Variants in SAMD12 observed in about 807,000 individuals in gnomAD.
SAMD12 encodes the protein sterile alpha motif domain containing 12.
In SAMD12, 9 loss-of-function variants were observed where a neutral mutation model predicts 15.0. That is an observed-to-expected ratio of 0.60 (90% CI 0.36 to 1.05). SAMD12 has a LOEUF of 1.05. SAMD12 is among the 50% of genes least tolerant of loss of function. The pLI, the probability that SAMD12 is intolerant of heterozygous loss-of-function variation, is 0.01. For missense variants in SAMD12, 230 were observed against 234.2 expected, an observed-to-expected ratio of 0.98 and a Z score of 0.12; for synonymous variants, 86 against 90.1, an observed-to-expected ratio of 0.96 and a Z score of 0.25.
At chr8:118,420,783 C>A (rs1458570298) in intron 3 of SAMD12, among the ~76,000 whole-genome samples, 1 of 152,064 alleles carries the variant, frequency 6.6e-6, no homozygotes, top group Non-Finnish European at 1.5e-5. Flanking sequence ...GAAAAGAATT[C>A]TAAATTTCTT....
At chr8:118,462,946 C>T (rs1823470651) in intron 2 of SAMD12, among the ~76,000 whole-genome samples, 1 of 151,604 alleles carries the variant, frequency 6.6e-6, no homozygotes, top group Non-Finnish European at 1.5e-5. Context: ...ACTAAAAACA[C>T]AAAAATTAGC....
In SAMD12 at chr8:118,229,773, A is replaced by G. The variant is rs116886017; in HGVS notation, c.434-32041T>C. 3.0e-3 allele frequency among the ~76,000 whole-genome samples: 451 copies of G among 152,232 alleles called. 11 individuals are homozygous for G. The South Asian group carries it at 0.049, about 17-fold the overall frequency. ...CCCTTCATTACAGACACTGTCACAT[A>G]GAATTCCCCTATAAGAAGACTTCCC... On this transcript the variant is annotated intron_variant, in intron 4 of 4. Transcript: ENST00000409003.
intron 4 of SAMD12, among the ~76,000 whole-genome samples, chr8:118,248,026 C>G (rs1181308900): frequency 1.3e-5 from 2 of 152,046 alleles, no homozygotes; most frequent in Non-Finnish European, 2.9e-5. Flanking sequence ...ATAAAGAAAA[C>G]AGACACAGAT....
intron 4 of SAMD12, among the ~76,000 whole-genome samples, chr8:118,367,346 T>C (rs1487126298): frequency 6.6e-6 from 1 of 152,232 alleles, no homozygotes; most frequent in African/African-American, 2.4e-5. Flanking sequence ...CTAAATCAAC[T>C]GACTCTCTAA....
chr8:118,534,517 G>A (rs1007821745), intron 2 of SAMD12, among the ~76,000 whole-genome samples: 8 of 152,134 alleles, frequency 5.3e-5, no homozygotes, highest in African/African-American at 1.9e-4. Flanking sequence ...AAGTTCTCCT[G>A]GATAATATCC....
intron 1 of SAMD12, among the ~76,000 whole-genome samples, chr8:118,614,965 C>A (rs538748226): frequency 6.6e-6 from 1 of 152,330 alleles, no homozygotes; most frequent in African/African-American, 2.4e-5. Flanking sequence ...TCCACGCTTG[C>A]TCTTGTGGTT....
chr8:118,338,834 T>G (rs1240106050), intron 4 of SAMD12, among the ~76,000 whole-genome samples: 3 of 152,206 alleles, frequency 2.0e-5, no homozygotes, highest in Non-Finnish European at 4.4e-5. Flanking sequence ...ATGTTTTTGT[T>G]ATTTAACATA....
At chr8:118,333,234 C>T (rs1272770550) in intron 4 of SAMD12, among the ~76,000 whole-genome samples, 1 of 152,202 alleles carries the variant, frequency 6.6e-6, no homozygotes, top group African/African-American at 2.4e-5. Context: ...TAATTTCCAA[C>T]AGTCACCTCC....
intron 2 of SAMD12, among the ~76,000 whole-genome samples, chr8:118,569,267 AAATT>A (rs1186647026): frequency 6.6e-6 from 1 of 152,164 alleles, no homozygotes; most frequent in Non-Finnish European, 1.5e-5. Flanking sequence ...TTCATGCACA[AAATT>A]ATTTAAAATA....
At chr8:118,160,901 T>A in the SAMD12 span, among the ~76,000 whole-genome samples, 4 of 152,292 alleles carry the variant, frequency 2.6e-5, no homozygotes, top group Admixed American at 6.5e-5. Flanking sequence ...ATTAAACTCA[T>A]CATTTAGCAT....
intron 4 of SAMD12, among the ~76,000 whole-genome samples, chr8:118,210,689 C>T (rs1819997019): frequency 6.6e-6 from 1 of 152,218 alleles, no homozygotes; most frequent in Non-Finnish European, 1.5e-5. Flanking sequence ...ATTCCAGACA[C>T]AGAAATGGAT....
At chr8:118,597,557 G>A (rs781171784) in intron 1 of SAMD12, among the ~76,000 whole-genome samples, 1 of 152,232 alleles carries the variant, frequency 6.6e-6, no homozygotes, top group Non-Finnish European at 1.5e-5. Flanking sequence ...ATGCCTATCA[G>A]AGCAAATCCT....
chr8:118,456,593 C>T (rs1823258887), intron 2 of SAMD12, among the ~76,000 whole-genome samples: 1 of 152,166 alleles, frequency 6.6e-6, no homozygotes, highest in African/African-American at 2.4e-5. Flanking sequence ...TGTTCCTGTT[C>T]CAATTTTATA....
At chr8:118,429,972 T>G (rs1822348677) in intron 3 of SAMD12, among the ~76,000 whole-genome samples, 2 of 152,202 alleles carry the variant, frequency 1.3e-5, no homozygotes, top group Non-Finnish European at 2.9e-5. Flanking sequence ...AAAAAAGTTT[T>G]TTAACCATTT....
rs117628814 is a variant in SAMD12 at position 118,619,049 on chromosome 8, G to A, written c.13+2755C>T. Among the ~76,000 whole-genome samples, 242 of 152,220 alleles carry A rather than the reference G, an allele frequency of 1.6e-3. 1 individual carries two copies. Among genetic ancestry groups the A allele is most frequent in the Non-Finnish European group, 2.8e-3 (188 of 68,022 alleles). On this transcript the variant is annotated intron_variant, in intron 1 of 3. Coordinates refer to ENST00000314727, the MANE Select transcript of SAMD12 (RefSeq NM_207506.3). ...CATTACTTGGCCATGGCTTGGCCTC[G>A]TTATACGGGATGGCCATGCGCTGCA... is the stretch of plus-strand genomic sequence containing the variant.
intron 4 of SAMD12, among the ~76,000 whole-genome samples, chr8:118,329,133 A>G (rs1029273289): frequency 2.0e-5 from 3 of 152,104 alleles, no homozygotes. Flanking sequence ...AACAAAAAAA[A>G]TCACTAAATT....
At chr8:118,417,567 TATA>T (rs1474546936) in intron 3 of SAMD12, among the ~76,000 whole-genome samples, 1 of 152,130 alleles carries the variant, frequency 6.6e-6, no homozygotes, top group African/African-American at 2.4e-5. Flanking sequence ...ATTAGCAACT[TATA>T]ATAAATTACA....
chr8:118,403,843 A>G (rs1400475388), intron 3 of SAMD12, among the ~76,000 whole-genome samples: 1 of 152,226 alleles, frequency 6.6e-6, no homozygotes, highest in African/African-American at 2.4e-5. Context: ...AAAAAGAGCG[A>G]TTAACTTGAA....
intron 4 of SAMD12, among the ~76,000 whole-genome samples, chr8:118,271,442 C>T (rs1175622328): frequency 3.9e-5 from 6 of 152,266 alleles, no homozygotes; most frequent in African/African-American, 7.2e-5. Context: ...CACACCCAAA[C>T]CATATCATTC....
Sources: gnomAD v4.1 joint callset for allele counts (sites outside exome capture counted in the v4.1 genomes callset) on GRCh38, gnomAD v4.1.1 for gene constraint, MANE v1.5 for transcripts, NCBI Gene and HGNC (gene_info 2026-07-23, HGNC 2026-07-21) for gene names.